Variants in FARS2 observed in about 807,000 individuals in gnomAD.
FARS2 encodes phenylalanine--tRNA ligase, mitochondrial.
Under a neutral mutation model 46.4 loss-of-function variants are expected in FARS2, and 40 were observed. The observed-to-expected ratio is 0.86, with a 90% confidence interval of 0.67 to 1.12. The LOEUF (loss-of-function observed/expected upper bound fraction) is 1.12. FARS2 is among the 50% of genes most tolerant of loss of function. FARS2 has a pLI of 0.00. For missense variants in FARS2, 513 were observed against 567.9 expected, an observed-to-expected ratio of 0.90 and a Z score of 0.98; for synonymous variants, 234 against 214.9, an observed-to-expected ratio of 1.09 and a Z score of -0.78.
At chr6:5,359,030 C>CTT (rs397888425) in intron 1 of FARS2, among the ~76,000 whole-genome samples, 1 of 45,404 alleles carries the variant, frequency 2.2e-5, no homozygotes, top group Admixed American at 2.8e-4. Flanking sequence ...AAAAGATACC[C>CTT]TTTTTTTTTT....
chr6:5,689,300 A>G (rs1439019537), intron 6 of FARS2, among the ~76,000 whole-genome samples: 2 of 152,046 alleles, frequency 1.3e-5, no homozygotes, highest in African/African-American at 2.4e-5. Context: ...TAGGGTGTCA[A>G]TTTTAGATCT....
chr6:5,294,021 C>A (rs543935728), intron 1 of FARS2, among the ~76,000 whole-genome samples: 1 of 152,262 alleles, frequency 6.6e-6, no homozygotes, highest in African/African-American at 2.4e-5. Context: ...GCACGAATGA[C>A]CTGCATGTGA....
intron 5 of FARS2, chr6:5,609,277 A>G (rs891336556): frequency 1.0e-5 from 11 of 1,048,328 alleles, no homozygotes; most frequent in African/African-American, 4.6e-5. Context: ...GAACTGCCCT[A>G]GCCACCTTGG....
At chr6:5,261,015 C>G, upstream of FARS2, 1 of 1,055,716 alleles carries the variant, frequency 9.5e-7, no homozygotes, top group Non-Finnish European at 1.2e-6. Context: ...CCGCCCCCGC[C>G]CGGAGGCTCG....
At chr6:5,754,694 A>G (rs1040319705) in intron 6 of FARS2, among the ~76,000 whole-genome samples, 4 of 152,216 alleles carry the variant, frequency 2.6e-5, no homozygotes, top group African/African-American at 9.6e-5. Context: ...TTAGCTGGGT[A>G]TAATTGATGT....
intron 2 of FARS2, 92 bp from the exon 3 acceptor site, chr6:5,404,450 A>T: frequency 1.3e-6 from 1 of 783,910 alleles, no homozygotes; most frequent in South Asian, 2.8e-5. Context: ...ATAACTTTTT[A>T]GAGTCAAAAG....
chr6:5,447,134 C>T (rs991805937), intron 4 of FARS2, among the ~76,000 whole-genome samples: 1 of 152,066 alleles, frequency 6.6e-6, no homozygotes, highest in African/African-American at 2.4e-5. Flanking sequence ...TCTGGCATTA[C>T]TGTGGAGTGT....
chr6:5,404,000 C>T lies in FARS2; in HGVS notation c.613-542C>T, dbSNP rs1430450257. The stretch of plus-strand genomic sequence containing the variant: ...AATCTACTAATTTACTATTATTATT[C>T]CCACTTTATAGATGATTCCCTGAGG... On this transcript the variant is annotated intron_variant, in intron 2 of 6. Transcript: ENST00000274680. Among the ~76,000 whole-genome samples, 4 of 151,950 alleles carry T rather than the reference C, an allele frequency of 2.6e-5. No homozygotes were observed. In the East Asian group the frequency reaches 7.7e-4, roughly 29 times the overall value.
At position 5,650,259 on chromosome 6, in the gene FARS2, C is replaced by CTT. The variant is rs55926813; in HGVS notation, c.1217+36958_1217+36959dup. Among the ~76,000 whole-genome samples, 4 of 115,798 alleles carry CTT rather than the reference C, an allele frequency of 3.5e-5. 1 individual carries two copies. The highest frequency in any genetic ancestry group is 1.4e-4 in the African/African-American group (4 of 29,218). 76.0% of individuals were successfully genotyped at this position (115,798 alleles called of 152,430 possible). ...ACCGATGTCAAAGTGGGCCACATTTCTTTTTTTTTTTTTTTTTTTTGAGAC... is the reference window on the plus strand; with the variant it reads ...ACCGATGTCAAAGTGGGCCACATTTCTTTTTTTTTTTTTTTTTTTTTTGAGAC... On this transcript the variant is annotated intron_variant, in intron 6 of 6. Coordinates refer to ENST00000274680, the MANE Select transcript of FARS2 (RefSeq NM_006567.5).
At chr6:5,639,477 C>G (rs1424955084) in intron 6 of FARS2, among the ~76,000 whole-genome samples, 1 of 152,186 alleles carries the variant, frequency 6.6e-6, no homozygotes, top group Admixed American at 6.5e-5. Flanking sequence ...CAGATATCTT[C>G]AGGATACCTT....
intron 1 of FARS2, among the ~76,000 whole-genome samples, chr6:5,328,103 T>G (rs1444511701): frequency 1.3e-5 from 2 of 152,222 alleles, no homozygotes; most frequent in African/African-American, 4.8e-5. Context: ...AATACTGATC[T>G]TAATAGATTT....
the FARS2 span, among the ~76,000 whole-genome samples, chr6:5,252,327 G>T: frequency 1.3e-5 from 2 of 152,156 alleles, no homozygotes; most frequent in Non-Finnish European, 2.9e-5. Context: ...GACCAACTGT[G>T]AGACCAATCA....
In FARS2 at chr6:5,701,866, G is replaced by A. The variant is rs188706379; in HGVS notation, c.1218-69425G>A. Among the ~76,000 whole-genome samples the A allele has an allele frequency of 1.1e-4, 17 of 152,270 alleles. No homozygotes were observed. The East Asian group carries it at 2.1e-3, about 19-fold the overall frequency. ...GCTGCTCGTGGCATGTGGTTGAGTC[G>A]TGATGCTTTTCATTACTCATTTTTA... On this transcript the variant is annotated intron_variant, in intron 6 of 6. Transcript: ENST00000274680.
At chr6:5,479,604 A>G (rs1766326909) in intron 4 of FARS2, among the ~76,000 whole-genome samples, 1 of 152,218 alleles carries the variant, frequency 6.6e-6, no homozygotes, top group Non-Finnish European at 1.5e-5. Flanking sequence ...ATATATCCAC[A>G]GAAGTTATAA....
intron 1 of FARS2, among the ~76,000 whole-genome samples, chr6:5,363,595 C>G (rs1346965177): frequency 6.6e-6 from 1 of 152,100 alleles, no homozygotes. Flanking sequence ...GTTCTACTCT[C>G]AAGAACCACA....
Position 5,532,783 on chromosome 6 carries a change from TAAGAAGAAG to T in FARS2, c.905-12376_905-12368del, listed in dbSNP as rs756604628. ...GTAGTAGTAATAATAATAATAATAA[TAAGAAGAAG>T]AAGAAGAAGAAGAAGAAGAATGTTA... On this transcript the variant is annotated intron_variant, in intron 4 of 6. Transcript: ENST00000274680. Among the ~76,000 whole-genome samples, 214 of 138,750 alleles carry T rather than the reference TAAGAAGAAG, an allele frequency of 1.5e-3. 2 individuals carry two copies. Among genetic ancestry groups the T allele is most frequent in the African/African-American group, 5.0e-3 (165 of 32,906 alleles). The allele number at this position is 138,750 out of a possible 152,430, so 91.0% of individuals were successfully genotyped here. A position where few individuals can be genotyped will look rare whatever the true frequency, so the allele number is the denominator to read the frequency against.
chr6:5,489,097 A>G (rs1468503620), intron 4 of FARS2, among the ~76,000 whole-genome samples: 2 of 152,144 alleles, frequency 1.3e-5, no homozygotes, highest in East Asian at 3.8e-4. Flanking sequence ...GTGAAAATGA[A>G]TCAGGGAAGG....
intron 1 of FARS2, among the ~76,000 whole-genome samples, chr6:5,351,542 C>T (rs1757573594): frequency 6.6e-6 from 1 of 152,150 alleles, no homozygotes; most frequent in Admixed American, 6.5e-5. Context: ...CAGAGATTAA[C>T]TGATCCCCCC....
intron 1 of FARS2, among the ~76,000 whole-genome samples, chr6:5,309,758 T>TCTTATAAATTAA (rs951293880): frequency 1.8e-5 from 2 of 108,896 alleles, no homozygotes; most frequent in Admixed American, 8.4e-5. Flanking sequence ...AGATATCAAT[T>TCTTATAAATTAA]CTTATAAATT....
Sources: gnomAD v4.1 joint callset for allele counts (sites outside exome capture counted in the v4.1 genomes callset) on GRCh38, gnomAD v4.1.1 for gene constraint, MANE v1.5 for transcripts, NCBI Gene and HGNC (gene_info 2026-07-23, HGNC 2026-07-21) for gene names.